Variants in ROCK2 observed in about 807,000 individuals in gnomAD.
The protein encoded by ROCK2 is Rho associated coiled-coil containing protein kinase 2.
ROCK2 carries 61 observed loss-of-function variants against 195.1 expected under a neutral mutation model. The observed-to-expected ratio is 0.31, with a 90% confidence interval of 0.25 to 0.39. The LOEUF (loss-of-function observed/expected upper bound fraction) is 0.39, where lower values mean the gene tolerates loss of function less well. Among genes scored for constraint, ROCK2 ranks in the 10% least tolerant of loss-of-function variants. The pLI is 1.00. For missense variants in ROCK2, 1,109 were observed against 1,637.4 expected (o/e 0.68, Z 5.57); for synonymous variants, 504 against 545.5 (o/e 0.92, Z 1.06).
In ROCK2 at chr2:11,197,415, CAAT is replaced by C. The variant is rs1462116753; in HGVS notation, c.3280-70_3280-68del. On this transcript the variant is annotated intron_variant, in intron 26 of 32. Coordinates refer to ENST00000315872, the MANE Select transcript of ROCK2 (RefSeq NM_004850.5). This position sits in a 1 kb window ranked among gnomAD's most constrained non-coding sequence, Gnocchi z 4.9. ...TAACTCAACATTTTGCTTCTTGGTTCAATAATAATTATTAAATAGAAATGGTCT... is the reference window on the plus strand; with the variant it reads ...TAACTCAACATTTTGCTTCTTGGTTCAATAATTATTAAATAGAAATGGTCT... 6.5e-6 allele frequency: 10 copies of C among 1,538,002 alleles called. No individual in the cohort carries two copies. The highest frequency in any genetic ancestry group is 5.6e-5 in the Admixed American group (3 of 53,980).
intron 16 of ROCK2, 59 bp downstream of exon 16, chr2:11,214,781 A>C: frequency 6.8e-7 from 1 of 1,473,136 alleles, no homozygotes; most frequent in Non-Finnish European, 9.2e-7. Context: ...CATCATCTAA[A>C]GTTATTTTTA....
chr2:11,282,987 C>T (rs577187221), intron 3 of ROCK2, among the ~76,000 whole-genome samples: 59 of 152,288 alleles, frequency 3.9e-4, no homozygotes, highest in Admixed American at 3.1e-3. Context: ...GATATACAGG[C>T]TAGGCGTGGT....
intron 3 of ROCK2, among the ~76,000 whole-genome samples, chr2:11,270,267 T>C (rs1666580828): frequency 6.6e-6 from 1 of 152,226 alleles, no homozygotes; most frequent in African/African-American, 2.4e-5. Context: ...TTAGGCTTTT[T>C]CTTCTCTTGG....
chr2:11,283,478 G>A (rs1435878841), intron 3 of ROCK2, among the ~76,000 whole-genome samples: 3 of 147,860 alleles, frequency 2.0e-5, no homozygotes, highest in Non-Finnish European at 3.0e-5. Context: ...GGAGAATGGC[G>A]TGAACCCGGG....
At chr2:11,319,325 T>C (rs1032505013) in intron 1 of ROCK2, among the ~76,000 whole-genome samples, 2 of 152,216 alleles carry the variant, frequency 1.3e-5, no homozygotes, top group Non-Finnish European at 2.9e-5. Context: ...TTCACATCCC[T>C]TGTAAGTTGG....
intron 1 of ROCK2, among the ~76,000 whole-genome samples, chr2:11,302,308 GT>G (rs1271143089): frequency 2.2e-5 from 3 of 139,232 alleles, no homozygotes; most frequent in South Asian, 4.2e-4. Flanking sequence ...GGGGTGGGGT[GT>G]TTTTTTGTTG....
At chr2:11,186,352 A>T (rs1663198151) in intron 32 of ROCK2, among the ~76,000 whole-genome samples, 1 of 152,150 alleles carries the variant, frequency 6.6e-6, no homozygotes, top group South Asian at 2.1e-4. Flanking sequence ...TGCATTGCAT[A>T]CCCTTTCAAA....
At chr2:11,338,560 T>C (rs1183378105) in intron 1 of ROCK2, among the ~76,000 whole-genome samples, 2 of 152,220 alleles carry the variant, frequency 1.3e-5, no homozygotes, top group Admixed American at 6.5e-5. Context: ...ACTAATGCCA[T>C]TTTATAAAAA....
rs150980199 is a variant in ROCK2, at chr2:11,227,125, T to A, written c.868+129A>T. The A allele has an allele frequency of 8.3e-4, 703 of 848,484 alleles. 2 individuals are homozygous for A. The African/African-American group carries it at 9.8e-3, about 12-fold the overall frequency. The allele number at this position is 848,484 out of a possible 1,614,324, so 52.6% of individuals were successfully genotyped here. Reference sequence around the variant, plus strand: ...GTCTGCCCTATCAGATACTACTAATTCAAAGTTTCCAGAAATCTAATTCTT... The same window carrying A: ...GTCTGCCCTATCAGATACTACTAATACAAAGTTTCCAGAAATCTAATTCTT... On this transcript the variant is annotated intron_variant, in intron 6 of 32. Coordinates refer to ENST00000315872, the MANE Select transcript of ROCK2 (RefSeq NM_004850.5).
At chr2:11,303,332 A>T (rs1473361482) in intron 1 of ROCK2, among the ~76,000 whole-genome samples, 1 of 152,136 alleles carries the variant, frequency 6.6e-6, no homozygotes, top group Admixed American at 6.5e-5. Context: ...AATTCTTCAA[A>T]TCTTGCTTCT....
chr2:11,253,351 G>A (rs368840801), intron 3 of ROCK2, among the ~76,000 whole-genome samples: 12 of 151,990 alleles, frequency 7.9e-5, no homozygotes, highest in African/African-American at 2.9e-4. Flanking sequence ...ATCTTTATGG[G>A]TACTGGAAAG....
At chr2:11,228,061 T>C (rs1223699497) in intron 5 of ROCK2, among the ~76,000 whole-genome samples, 1 of 152,216 alleles carries the variant, frequency 6.6e-6, no homozygotes, top group African/African-American at 2.4e-5. Context: ...CCCTCCCTGA[T>C]GTCTTTTTGA....
chr2:11,273,237 T>A (rs1321296347), intron 3 of ROCK2, among the ~76,000 whole-genome samples: 2 of 151,446 alleles, frequency 1.3e-5, no homozygotes, highest in Admixed American at 6.6e-5. Flanking sequence ...GCAGAATGAA[T>A]TAAAAAAAAG....
intron 3 of ROCK2, among the ~76,000 whole-genome samples, chr2:11,260,435 G>A (rs181645184): frequency 1.5e-4 from 19 of 129,588 alleles, no homozygotes; most frequent in African/African-American, 3.1e-4. Flanking sequence ...GTGACAGAGC[G>A]AGACTCTGTC....
chr2:11,261,105 T>A (rs962419135), intron 3 of ROCK2, among the ~76,000 whole-genome samples: 5 of 152,254 alleles, frequency 3.3e-5, no homozygotes, highest in Middle Eastern at 3.2e-3. Flanking sequence ...TTTGGCTACA[T>A]GTTCTAGTTC....
At chr2:11,185,992 A>G (rs1663183149) in intron 32 of ROCK2, among the ~76,000 whole-genome samples, 1 of 152,200 alleles carries the variant, frequency 6.6e-6, no homozygotes, top group African/African-American at 2.4e-5. Flanking sequence ...AAAGGGCCCA[A>G]ATATTTGCAT....
intron 1 of ROCK2, among the ~76,000 whole-genome samples, chr2:11,301,778 CAAAAA>C (rs70953386): frequency 3.9e-5 from 5 of 129,586 alleles, no homozygotes; most frequent in Non-Finnish European, 1.6e-5. Context: ...AACGCCGCCT[CAAAAA>C]AAAAAAAAAA....
At chr2:11,295,821 G>C (rs1224621100) in intron 1 of ROCK2, among the ~76,000 whole-genome samples, 1 of 151,902 alleles carries the variant, frequency 6.6e-6, no homozygotes, top group Non-Finnish European at 1.5e-5. Flanking sequence ...GCCAGGCGTG[G>C]TGGTACACGC....
chr2:11,263,275 C>T (rs1158988040), intron 3 of ROCK2, among the ~76,000 whole-genome samples: 1 of 152,116 alleles, frequency 6.6e-6, no homozygotes, highest in African/African-American at 2.4e-5. Context: ...CAGGAAGGAT[C>T]ACAGTCAATT....
Sources: gnomAD v4.1 joint callset for allele counts (sites outside exome capture counted in the v4.1 genomes callset) on GRCh38, gnomAD v4.1.1 for gene constraint, Gnocchi (gnomAD v3.1) non-coding constraint, MANE v1.5 for transcripts, NCBI Gene and HGNC (gene_info 2026-07-23, HGNC 2026-07-21) for gene names.